Variants in MCUR1 observed in about 807,000 individuals in gnomAD.
MCUR1 encodes the protein MCU regulator 1.
Under a neutral mutation model 42.0 loss-of-function variants are expected in MCUR1, and 37 were observed. The observed-to-expected ratio is 0.88, with a 90% CI of 0.68 to 1.16. The LOEUF is 1.16. MCUR1 is among the 50% of genes most tolerant of loss of function. The pLI is 0.00. For missense variants in MCUR1, 469 were observed against 468.4 expected, an observed-to-expected ratio of 1.00 and a Z score of -0.01; for synonymous variants, 229 against 196.2, an observed-to-expected ratio of 1.17 and a Z score of -1.40.
chr6:13,813,135 T>A (rs1760274539), intron 1 of MCUR1, among the ~76,000 whole-genome samples: 1 of 152,222 alleles, frequency 6.6e-6, no homozygotes, highest in Non-Finnish European at 1.5e-5. Context: ...AGCCTCTACC[T>A]GATAGTCTAG....
intron 2 of MCUR1, among the ~76,000 whole-genome samples, chr6:13,804,814 A>AAAAAAG (rs1230089057): frequency 1.5e-4 from 23 of 148,800 alleles, no homozygotes; most frequent in African/African-American, 4.8e-4. Flanking sequence ...AAAAAAAAAA[A>AAAAAAG]GTGGAAGTCT....
At chr6:13,803,260 C>T (rs997000527) in intron 2 of MCUR1, among the ~76,000 whole-genome samples, 7 of 152,318 alleles carry the variant, frequency 4.6e-5, no homozygotes, top group African/African-American at 7.2e-5. Context: ...GAAGTTTCTC[C>T]GTGTTGGTCA....
At chr6:13,794,088 T>A in intron 6 of MCUR1, 141 bp from the exon 7 acceptor site, 1 of 663,180 alleles carries the variant, frequency 1.5e-6, no homozygotes, top group Non-Finnish European at 2.6e-6. Flanking sequence ...GTAGCCTACC[T>A]GCTTCTTTAT....
chr6:13,800,418 CA>C, intron 4 of MCUR1, 36 bp from the exon 5 acceptor site: 1 of 1,216,296 alleles, frequency 8.2e-7, no homozygotes, highest in South Asian at 1.4e-5. Context: ...TTAGAAAGAA[CA>C]ACATAAAACG....
chr6:13,790,587 G>C lies in MCUR1; in HGVS notation c.*222C>G. On this transcript the variant is annotated 3_prime_UTR_variant, in exon 9 of 9. Coordinates refer to ENST00000379170, the MANE Select transcript of MCUR1 (RefSeq NM_001031713.4). ...ACACCTTAGCCTCCCGAGTAGCTGG[G>C]ACTACAGGCGCCCGCCACCACGCCC... 3.1e-6 allele frequency: 1 copy of C among 318,268 alleles called. No individual in the cohort carries two copies. The highest frequency in any genetic ancestry group is 5.9e-6 in the Non-Finnish European group (1 of 168,930). The allele number at this position is 318,268 out of a possible 1,614,324, so 19.7% of individuals were successfully genotyped here.
rs1759710211 is a variant in MCUR1, at chr6:13,790,683, C to A, written c.*126G>T. ...GGCCAGGCTGGTCTCGAACTCCTGA[C>A]CTCAGGTAATCCACCTGCCTCAGCC... On this transcript the variant is annotated 3_prime_UTR_variant, in exon 9 of 9. Coordinates refer to ENST00000379170, the MANE Select transcript of MCUR1 (RefSeq NM_001031713.4). The A allele has an allele frequency of 4.8e-5, 29 of 605,386 alleles. No individual in the cohort carries two copies. 37.5% of individuals were successfully genotyped at this position (605,386 alleles called of 1,614,324 possible). A position where few individuals can be genotyped will look rare whatever the true frequency, so the allele number is the denominator to read the frequency against.
rs955713756 is a variant in MCUR1 at position 13,789,159 on chromosome 6, T to C, written c.*1650A>G. ...GGCTCACGCCTGTAATCCCACTACTTTGGGAGACCAAGGCGGGTGAATCAC... is the reference window on the plus strand; with the variant it reads ...GGCTCACGCCTGTAATCCCACTACTCTGGGAGACCAAGGCGGGTGAATCAC... On this transcript the variant is annotated 3_prime_UTR_variant, in exon 9 of 9. Coordinates refer to ENST00000379170, the MANE Select transcript of MCUR1 (RefSeq NM_001031713.4). 18 of 152,344 alleles carry C rather than the reference T, an allele frequency of 1.2e-4. No homozygotes were observed. The highest frequency in any genetic ancestry group is 3.6e-4 in the African/African-American group (15 of 41,548). 9.4% of individuals were successfully genotyped at this position (152,344 alleles called of 1,614,324 possible).
intron 4 of MCUR1, 54 bp from the exon 5 acceptor site, chr6:13,800,436 C>T (rs1759966701): frequency 2.0e-6 from 2 of 995,310 alleles, no homozygotes; most frequent in Admixed American, 2.5e-5. Context: ...AACGTAGTAA[C>T]CAACAAATAT....
At position 13,788,942 on chromosome 6, in the gene MCUR1, CTATTT is replaced by C. The variant is rs1434706842; in HGVS notation, c.*1862_*1866del. 4 of 152,184 alleles carry C rather than the reference CTATTT, an allele frequency of 2.6e-5. No homozygotes were observed. The South Asian group carries it at 8.3e-4, about 32-fold the overall frequency. 9.4% of individuals were successfully genotyped at this position (152,184 alleles called of 1,614,324 possible). A position where few individuals can be genotyped will look rare whatever the true frequency, so the allele number is the denominator to read the frequency against. ...ATGACATCCAAAGGACAAAAGGTAACTATTTTTTTTACCAATGTGGTTGGAACAGT... is the reference window on the plus strand; with the variant it reads ...ATGACATCCAAAGGACAAAAGGTAACTTTTTACCAATGTGGTTGGAACAGT... On this transcript the variant is annotated 3_prime_UTR_variant, in exon 9 of 9. Transcript: ENST00000379170.
At chr6:13,791,588 G>C (rs1488782830) in intron 8 of MCUR1, among the ~76,000 whole-genome samples, 1 of 152,022 alleles carries the variant, frequency 6.6e-6, no homozygotes, top group Non-Finnish European at 1.5e-5. Context: ...TTCCTGTCTT[G>C]AATCTCATTA....
intron 1 of MCUR1, among the ~76,000 whole-genome samples, chr6:13,812,839 A>G (rs537836920): frequency 1.3e-5 from 2 of 152,320 alleles, no homozygotes; most frequent in African/African-American, 4.8e-5. Context: ...ATTATCAGAA[A>G]TGATTTTTTT....
At chr6:13,803,400 C>T (rs998268310) in intron 2 of MCUR1, among the ~76,000 whole-genome samples, 18 of 152,176 alleles carry the variant, frequency 1.2e-4, no homozygotes, top group African/African-American at 4.3e-4. Context: ...GATAGTAACT[C>T]CTATTTAACA....
At chr6:13,803,856 GGT>G (rs1306591270) in intron 2 of MCUR1, 2 of 985,206 alleles carry the variant, frequency 2.0e-6, no homozygotes, top group African/African-American at 3.5e-5. Context: ...TCACTGGCTG[GGT>G]GTGGTGGCTC....
At chr6:13,807,721 T>C (rs1376754850) in intron 1 of MCUR1, among the ~76,000 whole-genome samples, 2 of 152,228 alleles carry the variant, frequency 1.3e-5, no homozygotes, top group Non-Finnish European at 2.9e-5. Flanking sequence ...AAAGCAGCTA[T>C]ACCATTTTAC....
At chr6:13,803,135 C>T (rs554888648) in intron 2 of MCUR1, among the ~76,000 whole-genome samples, 1 of 152,048 alleles carries the variant, frequency 6.6e-6, no homozygotes, top group Non-Finnish European at 1.5e-5. Context: ...GATCTCAGCT[C>T]ACAGCAACCT....
At chr6:13,799,360 T>C (rs1759936409) in intron 5 of MCUR1, among the ~76,000 whole-genome samples, 1 of 152,174 alleles carries the variant, frequency 6.6e-6, no homozygotes, top group Non-Finnish European at 1.5e-5. Context: ...AATTTTTGTA[T>C]GTTTAGTAGA....
chr6:13,813,954 C>T, intron 1 of MCUR1, 61 bp downstream of exon 1: 9 of 1,222,186 alleles, frequency 7.4e-6, no homozygotes, highest in Non-Finnish European at 9.2e-6. Flanking sequence ...TAGCTGAGAT[C>T]CCCGCCCCGC....
chr6:13,811,827 G>C (rs1190967837), intron 1 of MCUR1, among the ~76,000 whole-genome samples: 2 of 151,634 alleles, frequency 1.3e-5, no homozygotes, highest in East Asian at 3.9e-4. Flanking sequence ...ACAATCACAT[G>C]ACTACTTTGT....
At chr6:13,807,450 C>T (rs1275475096) in intron 1 of MCUR1, among the ~76,000 whole-genome samples, 1 of 152,148 alleles carries the variant, frequency 6.6e-6, no homozygotes, top group East Asian at 1.9e-4. Context: ...TTTCACTTAG[C>T]ATGTTTTCAA....
Sources: gnomAD v4.1 joint callset for allele counts (sites outside exome capture counted in the v4.1 genomes callset) on GRCh38, gnomAD v4.1.1 for gene constraint, MANE v1.5 for transcripts, NCBI Gene and HGNC (gene_info 2026-07-23, HGNC 2026-07-21) for gene names.